The following NPAS1 variants were observed in gnomAD, a reference collection of about 807,000 sequenced individuals.
NPAS1 encodes the protein neuronal PAS domain-containing protein 1.
NPAS1 carries 29 observed loss-of-function variants against 49.2 expected under a neutral mutation model. That is an observed-to-expected ratio of 0.59 (90% CI 0.44 to 0.80). NPAS1 has a LOEUF of 0.80. Ranked by LOEUF, NPAS1 falls within the 30% of genes least tolerant of loss-of-function variation. The pLI is 0.00. For missense variants in NPAS1, 825 were observed against 835.5 expected (o/e 0.99, Z 0.15); for synonymous variants, 408 against 380.4 (o/e 1.07, Z -0.84).
rs1599914714 is a variant in NPAS1 at position 47,038,472 on chromosome 19, G to GTGCCACTGCACGCAGTAGGCCGAGATCA, written c.689-553_689-552insGCAGTAGGCCGAGATCATGCCACTGCAC. ...ACGGAGGTCGCAGTAGGCCGAGATCGTGCCACTGCACTCTAGCCTGGTGAC... is the reference window on the plus strand; with the variant it reads ...ACGGAGGTCGCAGTAGGCCGAGATCGTGCCACTGCACGCAGTAGGCCGAGATCATGCCACTGCACTCTAGCCTGGTGAC... On this transcript the variant is annotated intron_variant, in intron 6 of 11. Coordinates refer to ENST00000602212, the MANE Select transcript of NPAS1 (RefSeq NM_002517.4). Among the ~76,000 whole-genome samples, 17 of 150,520 alleles carry GTGCCACTGCACGCAGTAGGCCGAGATCA rather than the reference G, an allele frequency of 1.1e-4. 1 individual carries two copies. In the East Asian group the frequency reaches 3.1e-3, roughly 28 times the overall value.
rs143122908 is a variant in NPAS1 at position 47,022,595 on chromosome 19, TC to T, written c.358+749del. 1.7e-3 allele frequency among the ~76,000 whole-genome samples: 246 copies of T among 145,222 alleles called. 1 individual carries two copies. The highest frequency in any genetic ancestry group is 6.1e-3 in the African/African-American group (240 of 39,610). ...AACCTTGCAGGGCTGCTGGAGGGGT[TC>T]GGGGCATGGAGGAGGGGGCGGGGGG... On this transcript the variant is annotated intron_variant, in intron 3 of 11. Transcript: ENST00000602212.
At chr19:47,028,816 A>C (rs1432525762) in intron 3 of NPAS1, among the ~76,000 whole-genome samples, 1 of 151,938 alleles carries the variant, frequency 6.6e-6, no homozygotes, top group Admixed American at 6.6e-5. Flanking sequence ...ACTGGGTTGG[A>C]GCTCCCTCGG....
chr19:47,039,123 G>A lies in NPAS1; in HGVS notation c.776G>A (p.Gly259Glu). The change falls in exon 7 of 12, where the codon GGG becomes GAG. Residue 259 changes from glycine (G) to glutamate (E), a missense_variant. By Grantham distance (98) the Gly-to-Glu change is moderately conservative. Coordinates refer to ENST00000602212, the MANE Select transcript of NPAS1 (RefSeq NM_002517.4). ...VRMKSTLTKR[G>E]LHVKASGYKV... Reference sequence around the variant, plus strand: ...ATGAAATCCACGCTCACCAAGAGGGGGCTGCACGTCAAGGCCTCAGGGTAC... The same window carrying A: ...ATGAAATCCACGCTCACCAAGAGGGAGCTGCACGTCAAGGCCTCAGGGTAC... 1 of 1,612,970 alleles carries A rather than the reference G, an allele frequency of 6.2e-7. No homozygotes were observed. Among genetic ancestry groups the A allele is most frequent in the East Asian group, 2.2e-5 (1 of 44,880 alleles).
rs2057035643 is a variant in NPAS1, at chr19:47,042,820, G to A, written c.1228G>A (p.Gly410Ser). Residue 410 changes from glycine (G) to serine (S), a missense_variant, in exon 11 of 12, where the codon GGT becomes AGT. Physicochemically the swap from Gly to Ser is moderately conservative, Grantham distance 56. Transcript: ENST00000602212. ...WVSHVLSQAE[G>S]GQTPLDAFQL... Reference sequence around the variant, plus strand: ...CCATCTTCTCCCCAGCCAAGCCGAGGGTGGCCAAACTCCTTTGGATGCCTT... The same window carrying A: ...CCATCTTCTCCCCAGCCAAGCCGAGAGTGGCCAAACTCCTTTGGATGCCTT... 1.2e-6 allele frequency: 2 copies of A among 1,604,216 alleles called. No homozygotes were observed. The highest frequency in any genetic ancestry group is 8.5e-7 in the Non-Finnish European group (1 of 1,175,540).
chr19:47,032,444 G>A (rs552462801), intron 4 of NPAS1, 93 bp downstream of exon 4: 15 of 1,374,426 alleles, frequency 1.1e-5, no homozygotes, highest in Admixed American at 5.2e-5. Context: ...CATCTATTGT[G>A]GGGGGTACCT....
At chr19:47,029,679 G>A (rs1348498703) in intron 3 of NPAS1, among the ~76,000 whole-genome samples, 2 of 152,170 alleles carry the variant, frequency 1.3e-5, no homozygotes, top group African/African-American at 4.8e-5. Flanking sequence ...GAGATTACAG[G>A]TGTGAGCCAC....
chr19:47,044,017 G>A (rs1315680857), intron 11 of NPAS1, among the ~76,000 whole-genome samples: 1 of 152,122 alleles, frequency 6.6e-6, no homozygotes, highest in African/African-American at 2.4e-5. Context: ...AGTGCGCTGT[G>A]ACAGCTGTAC....
At chr19:47,044,446 C>T in intron 11 of NPAS1, among the ~76,000 whole-genome samples, 1 of 152,206 alleles carries the variant, frequency 6.6e-6, no homozygotes, top group Non-Finnish European at 1.5e-5. Context: ...TGCACAGTGG[C>T]CACATGTGGC....
rs538620355 is a variant in NPAS1, at chr19:47,025,426, G to T, written c.358+3579G>T. On this transcript the variant is annotated intron_variant, in intron 3 of 11. Coordinates refer to ENST00000602212, the MANE Select transcript of NPAS1 (RefSeq NM_002517.4). The stretch of plus-strand genomic sequence containing the variant: ...CCCTAATAGCTGGGATTACAGGCAT[G>T]CGCCACCACGCCCAGCTAATTTTGT... Among the ~76,000 whole-genome samples, 47 of 131,234 alleles carry T rather than the reference G, an allele frequency of 3.6e-4. 1 individual carries two copies. Among genetic ancestry groups the T allele is most frequent in the African/African-American group, 1.1e-3 (45 of 40,110 alleles). The allele number at this position is 131,234 out of a possible 152,430, so 86.1% of individuals were successfully genotyped here.
In NPAS1 at chr19:47,021,948, T is replaced by C; in HGVS notation, c.358+101T>C. The C allele has an allele frequency of 2.7e-6, 2 of 743,020 alleles. No homozygotes were observed. 46.0% of individuals were successfully genotyped at this position (743,020 alleles called of 1,614,324 possible). ...GCCTGCCCTCGCCCAGATGCTTGTCTCTGGAGTCAGCCAGGACCTTTGCGT... is the reference window on the plus strand; with the variant it reads ...GCCTGCCCTCGCCCAGATGCTTGTCCCTGGAGTCAGCCAGGACCTTTGCGT... On this transcript the variant is annotated intron_variant, in intron 3 of 11. Transcript: ENST00000602212. This position sits in a 1 kb window ranked among gnomAD's most constrained non-coding sequence, Gnocchi z 5.7.
intron 7 of NPAS1, 41 bp downstream of exon 7, chr19:47,039,192 T>G: frequency 1.9e-6 from 3 of 1,553,356 alleles, no homozygotes; most frequent in Non-Finnish European, 2.6e-6. Context: ...CAGGCAGCCA[T>G]GTCCCCAGAT....
Position 47,040,561 on chromosome 19 carries a change from C to T in NPAS1, c.1069+11C>T. 6.5e-7 allele frequency: 1 copy of T among 1,542,068 alleles called. No homozygotes were observed. Among genetic ancestry groups the T allele is most frequent in the Non-Finnish European group, 8.8e-7 (1 of 1,134,296 alleles). ...AGAGCCACGTGGACTGTGAGACCCA[C>T]CTCCACCCACCAAGCCTGCCTACCA... On this transcript the variant is annotated intron_variant, in intron 9 of 11. Coordinates refer to ENST00000602212, the MANE Select transcript of NPAS1 (RefSeq NM_002517.4).
chr19:47,035,189 A>T (rs2056940282), intron 5 of NPAS1: 1 of 118,104 alleles, frequency 8.5e-6, no homozygotes, highest in South Asian at 3.5e-4. Context: ...CTAAAAAAAT[A>T]AAAAGAAGAA....
chr19:47,044,224 C>T (rs2057051123), intron 11 of NPAS1, among the ~76,000 whole-genome samples: 1 of 152,192 alleles, frequency 6.6e-6, no homozygotes, highest in African/African-American at 2.4e-5. Context: ...CAGGCACCTA[C>T]CACCATGCCT....
rs576245935 is a variant in NPAS1, at chr19:47,026,116, T to G, written c.358+4269T>G. On this transcript the variant is annotated intron_variant, in intron 3 of 11. Transcript: ENST00000602212. ...ACCATGCCCAGCTAATTTTTGTATT[T>G]TTAGTAGAGACAGGGTTTCGCCACG... 1.4e-4 allele frequency among the ~76,000 whole-genome samples: 21 copies of G among 152,128 alleles called. 1 individual carries two copies. The South Asian group carries it at 3.7e-3, about 27-fold the overall frequency.
intron 10 of NPAS1, among the ~76,000 whole-genome samples, 182 bp from the exon 11 acceptor site, chr19:47,042,628 G>A (rs1043198717): frequency 1.3e-5 from 2 of 152,248 alleles, no homozygotes; most frequent in Admixed American, 6.5e-5. Context: ...CGAGGGCCAC[G>A]CTGGGCTAGA....
Position 47,045,469 on chromosome 19 carries a change from C to A in NPAS1, c.1591C>A (p.Pro531Thr). 1 of 1,580,460 alleles carries A rather than the reference C, an allele frequency of 6.3e-7. No individual in the cohort carries two copies. Among genetic ancestry groups the A allele is most frequent in the Admixed American group, 1.8e-5 (1 of 55,352 alleles). Residue 531 changes from proline (P) to threonine (T), a missense_variant, in exon 12 of 12, where the codon CCG becomes ACG. Physicochemically the swap from Pro to Thr is conservative, Grantham distance 38 (BLOSUM62 -1). Transcript: ENST00000602212. ...CCTCCTGCACGCGGGCTTCCTGCCG[C>A]CGGTGGTGCGGGGCCTGTGCACACC... ...PTLLHAGFLP[P>T]VVRGLCTPGT...
intron 5 of NPAS1, among the ~76,000 whole-genome samples, chr19:47,033,456 T>C (rs2056922346): frequency 6.6e-6 from 1 of 151,180 alleles, no homozygotes; most frequent in South Asian, 2.1e-4. Flanking sequence ...TGGTCAGGCT[T>C]GTCTTGAACT....
At chr19:47,032,507 AC>A (rs2056913969) in intron 4 of NPAS1, 135 bp from the exon 5 acceptor site, 1 of 1,084,564 alleles carries the variant, frequency 9.2e-7, no homozygotes, top group African/African-American at 1.6e-5. Context: ...CCTTCCGAGG[AC>A]CACTGAAGCC....
Sources: allele counts gnomAD v4.1 joint callset (sites outside exome capture counted in the v4.1 genomes callset), GRCh38; gene constraint gnomAD v4.1.1; non-coding constraint Gnocchi (gnomAD v3.1); transcripts MANE v1.5; gene names NCBI Gene and HGNC (gene_info 2026-07-23, HGNC 2026-07-21).